The following EXOC6 variants were observed in gnomAD, a reference collection of about 807,000 sequenced individuals.
EXOC6 encodes the protein SEC15-like 1.
In EXOC6, 60 loss-of-function variants were observed where a neutral mutation model predicts 112.5. The observed-to-expected ratio is 0.53, with a 90% CI of 0.43 to 0.66. The LOEUF (loss-of-function observed/expected upper bound fraction) is 0.66. EXOC6 is among the 30% of genes least tolerant of loss of function. The probability of loss-of-function intolerance (pLI) is 0.00; values close to 1 mark genes in which losing one functional copy is unlikely to be tolerated. For synonymous variants in EXOC6, 295 were observed against 308.0 expected (o/e 0.96, Z 0.44); for missense variants, 855 against 957.1 (o/e 0.89, Z 1.41).
intron 17 of EXOC6, among the ~76,000 whole-genome samples, chr10:92,968,156 C>T (rs993851583): frequency 6.7e-6 from 1 of 149,880 alleles, no homozygotes; most frequent in African/African-American, 2.5e-5. Flanking sequence ...AAATATGACA[C>T]CCCTTTCCAC....
chr10:92,831,809 AAGAG>A (rs771500566), upstream of EXOC6, among the ~76,000 whole-genome samples: 8 of 152,206 alleles, frequency 5.3e-5, no homozygotes, highest in Non-Finnish European at 1.0e-4. Context: ...TCCTTGAATA[AAGAG>A]AGAGAGAAAG....
At chr10:92,851,701 CCAAA>C (rs1275224903) in intron 1 of EXOC6, among the ~76,000 whole-genome samples, 1 of 151,148 alleles carries the variant, frequency 6.6e-6, no homozygotes, top group East Asian at 1.9e-4. Context: ...AACCAACTAA[CCAAA>C]CAAACAAAAA....
intron 1 of EXOC6, among the ~76,000 whole-genome samples, chr10:92,828,113 CTGTT>C (rs1436716457): frequency 1.3e-5 from 2 of 152,160 alleles, no homozygotes; most frequent in Non-Finnish European, 2.9e-5. Context: ...CTCATTAACT[CTGTT>C]TGTTGATCTC....
At chr10:92,848,474 A>C, upstream of EXOC6, 1 of 812,244 alleles carries the variant, frequency 1.2e-6, no homozygotes, top group Non-Finnish European at 1.6e-6. Context: ...CGCCACTTGG[A>C]GCTCGCCCCC....
At chr10:93,028,834 CAAAAA>C (rs59650538) in intron 20 of EXOC6, among the ~76,000 whole-genome samples, 25 of 79,176 alleles carry the variant, frequency 3.2e-4, no homozygotes, top group Admixed American at 4.9e-4. Context: ...AACTCCATCT[CAAAAA>C]AAAAAAAAAA....
At chr10:92,973,867 T>TGTGA (rs1842393398) in intron 17 of EXOC6, among the ~76,000 whole-genome samples, 186 bp from the exon 18 acceptor site, 1 of 152,060 alleles carries the variant, frequency 6.6e-6, no homozygotes, top group Non-Finnish European at 1.5e-5. Flanking sequence ...TAAGAAAAGA[T>TGTGA]GTGATGTGAT....
At chr10:92,884,970 CAGTTA>C (rs1392840528) in intron 1 of EXOC6, among the ~76,000 whole-genome samples, 1 of 152,096 alleles carries the variant, frequency 6.6e-6, no homozygotes, top group Non-Finnish European at 1.5e-5. Context: ...CGTAGTTTCT[CAGTTA>C]AGACATTTGA....
chr10:93,015,712 G>A (rs1176795028), intron 20 of EXOC6, among the ~76,000 whole-genome samples: 4 of 151,356 alleles, frequency 2.6e-5, no homozygotes, highest in African/African-American at 9.7e-5. Context: ...CAGCCTGGGC[G>A]ACAGAGCGAG....
chr10:92,934,507 A>G, intron 11 of EXOC6, 77 bp downstream of exon 11: 1 of 1,227,740 alleles, frequency 8.1e-7, no homozygotes, highest in Non-Finnish European at 1.1e-6. Flanking sequence ...ATGTCAGAGG[A>G]AAACTGTACC....
intron 2 of EXOC6, among the ~76,000 whole-genome samples, chr10:92,893,958 A>T (rs1450049404): frequency 6.6e-6 from 1 of 152,240 alleles, no homozygotes; most frequent in Non-Finnish European, 1.5e-5. Context: ...TTTTTCTTAA[A>T]GAAAGTTGGT....
At chr10:93,020,090 AGGAAAAAC>A (rs1844713822) in intron 20 of EXOC6, among the ~76,000 whole-genome samples, 1 of 152,158 alleles carries the variant, frequency 6.6e-6, no homozygotes, top group Admixed American at 6.5e-5. Flanking sequence ...TACATATTAA[AGGAAAAAC>A]CATAGTATAC....
intron 16 of EXOC6, among the ~76,000 whole-genome samples, 192 bp from the exon 17 acceptor site, chr10:92,955,388 G>GTATAT (rs1554902668): frequency 6.8e-6 from 1 of 147,582 alleles, no homozygotes; most frequent in Non-Finnish European, 1.5e-5. Flanking sequence ...GTGTGTGTGT[G>GTATAT]TATATATATA....
At chr10:92,899,296 T>C (rs1022154300) in intron 4 of EXOC6, among the ~76,000 whole-genome samples, 25 of 152,304 alleles carry the variant, frequency 1.6e-4, no homozygotes, top group African/African-American at 6.0e-4. Context: ...GATAGGATAA[T>C]TGTTAGTAGG....
chr10:92,828,386 T>G (rs1193180961), intron 1 of EXOC6, among the ~76,000 whole-genome samples: 2 of 152,224 alleles, frequency 1.3e-5, no homozygotes, highest in Admixed American at 6.5e-5. Flanking sequence ...CAGGCTGGAA[T>G]GCAGTGGTGC....
chr10:92,875,233 C>T (rs1208470314), intron 1 of EXOC6, among the ~76,000 whole-genome samples: 1 of 152,118 alleles, frequency 6.6e-6, no homozygotes, highest in Non-Finnish European at 1.5e-5. Context: ...CATGTTCTTT[C>T]CTGTCTGTCT....
chr10:93,045,606 A>G (rs1267531960), intron 20 of EXOC6, among the ~76,000 whole-genome samples: 2 of 152,222 alleles, frequency 1.3e-5, no homozygotes, highest in East Asian at 3.8e-4. Flanking sequence ...GTCAATTCAT[A>G]CAAGCAGATC....
intron 18 of EXOC6, among the ~76,000 whole-genome samples, chr10:92,993,500 T>C (rs190088315): frequency 6.6e-6 from 1 of 152,276 alleles, no homozygotes; most frequent in East Asian, 1.9e-4. Flanking sequence ...AAGAAAATGG[T>C]AAGACACAAA....
intron 20 of EXOC6, among the ~76,000 whole-genome samples, chr10:93,017,381 G>C (rs1181528817): frequency 2.0e-5 from 3 of 148,606 alleles, no homozygotes; most frequent in Non-Finnish European, 3.0e-5. Context: ...ATGAGGTCAG[G>C]AGATAGAAAC....
chr10:92,939,012 G>T (rs1852510543), intron 12 of EXOC6, among the ~76,000 whole-genome samples: 1 of 152,086 alleles, frequency 6.6e-6, no homozygotes, highest in African/African-American at 2.4e-5. Flanking sequence ...ATGGTGTGGT[G>T]AAAGTGAAAC....
Sources: gnomAD v4.1 joint callset for allele counts (sites outside exome capture counted in the v4.1 genomes callset) on GRCh38, gnomAD v4.1.1 for gene constraint, MANE v1.5 for transcripts, NCBI Gene and HGNC (gene_info 2026-07-23, HGNC 2026-07-21) for gene names.